CELF2: variants seen among roughly 807,000 people sequenced by gnomAD.
CELF2 encodes CUG triplet repeat RNA-binding protein 2.
Under a neutral mutation model 62.6 loss-of-function variants are expected in CELF2, and 8 were observed. That is an observed-to-expected ratio of 0.13 (90% confidence interval 0.07 to 0.23). The LOEUF (loss-of-function observed/expected upper bound fraction) is 0.23. Ranked by LOEUF, CELF2 falls within the 10% of genes least tolerant of loss-of-function variation. The probability of loss-of-function intolerance (pLI) is 1.00; values close to 1 mark genes in which losing one functional copy is unlikely to be tolerated. For missense variants in CELF2, 333 were observed against 671.0 expected (o/e 0.50, Z 5.56); for synonymous variants, 258 against 250.0 (o/e 1.03, Z -0.30).
At chr10:10,603,896 C>A in the CELF2 span, among the ~76,000 whole-genome samples, 1 of 152,016 alleles carries the variant, frequency 6.6e-6, no homozygotes, top group Non-Finnish European at 1.5e-5. Flanking sequence ...AGATATATAA[C>A]TAAAATGTTG....
Position 11,178,688 on chromosome 10 carries a change from G to C in CELF2, c.271+13006G>C, listed in dbSNP as rs886847053. Among the ~76,000 whole-genome samples the C allele has an allele frequency of 6.6e-6, 1 of 152,162 alleles. No homozygotes were observed. Among genetic ancestry groups the C allele is most frequent in the East Asian group, 1.9e-4 (1 of 5,198 alleles). The stretch of plus-strand genomic sequence containing the variant: ...CTTCGTCAAATGGCAGAGTTTGATT[G>C]TTTAACCTAGACTAATCAGTCTTTG... On this transcript the variant is annotated intron_variant, in intron 2 of 12. Transcript: ENST00000633077. This position sits in a 1 kb window ranked among gnomAD's most constrained non-coding sequence, Gnocchi z 4.3.
At chr10:10,614,586 G>A in the CELF2 span, among the ~76,000 whole-genome samples, 4 of 152,126 alleles carry the variant, frequency 2.6e-5, no homozygotes, top group African/African-American at 9.7e-5. Flanking sequence ...GCTGCCACCA[G>A]GAACTCGGCA....
At chr10:10,742,846 C>A in the CELF2 span, among the ~76,000 whole-genome samples, 3 of 152,154 alleles carry the variant, frequency 2.0e-5, no homozygotes, top group African/African-American at 7.2e-5. Context: ...GATTTGTGAT[C>A]TCTATTAACA....
the CELF2 span, among the ~76,000 whole-genome samples, chr10:10,508,354 C>T: frequency 6.6e-6 from 1 of 152,184 alleles, no homozygotes; most frequent in Non-Finnish European, 1.5e-5. Flanking sequence ...AGTGACAGAC[C>T]TAATAAGCAG....
At chr10:10,538,850 C>A in the CELF2 span, among the ~76,000 whole-genome samples, 3 of 152,300 alleles carry the variant, frequency 2.0e-5, no homozygotes, top group Non-Finnish European at 4.4e-5. Flanking sequence ...CTCTTGCCCT[C>A]CTTACTAGTT....
rs539012325 is a variant in CELF2, at chr10:10,995,123, G to T, written c.89+75124G>T. ...AAATTAAGCTGTGTCTTTCTAACTT[G>T]GTTATAAGTTCCTTAAGGGCAGGAG... On this transcript the variant is annotated intron_variant, in intron 2 of 13. Transcript: ENST00000636488. This position sits in a 1 kb window ranked among gnomAD's most constrained non-coding sequence, Gnocchi z 4.7. Among the ~76,000 whole-genome samples, 47 of 152,226 alleles carry T rather than the reference G, an allele frequency of 3.1e-4. No homozygotes were observed. The highest frequency in any genetic ancestry group is 5.4e-4 in the Non-Finnish European group (37 of 68,024).
At position 11,046,729 on chromosome 10, in the gene CELF2, T is replaced by A. The variant is rs1044888608; in HGVS notation, c.74+28566T>A. Among the ~76,000 whole-genome samples, 2 of 151,814 alleles carry A rather than the reference T, an allele frequency of 1.3e-5. No homozygotes were observed. Among genetic ancestry groups the A allele is most frequent in the African/African-American group, 2.4e-5 (1 of 41,260 alleles). ...GAGGATTCTCATACCTCCCAAAGAGTTTTTGTAAATCCCATGTCTTTAATC... is the reference window on the plus strand; with the variant it reads ...GAGGATTCTCATACCTCCCAAAGAGATTTTGTAAATCCCATGTCTTTAATC... On this transcript the variant is annotated intron_variant, in intron 1 of 12. Coordinates refer to ENST00000633077, the MANE Select transcript of CELF2 (RefSeq NM_001326342.2). This position sits in a 1 kb window ranked among gnomAD's most constrained non-coding sequence, Gnocchi z 4.6.
chr10:10,558,533 A>T, the CELF2 span, among the ~76,000 whole-genome samples: 1 of 151,922 alleles, frequency 6.6e-6, no homozygotes, highest in Non-Finnish European at 1.5e-5. Context: ...TTGGTATCAG[A>T]ATGATGCTGG....
the CELF2 span, among the ~76,000 whole-genome samples, chr10:10,697,493 A>T: frequency 5.9e-5 from 9 of 152,168 alleles, no homozygotes; most frequent in Admixed American, 1.3e-4. Flanking sequence ...GGGCTGCTCT[A>T]ACAAAATACG....
chr10:10,653,747 G>T, the CELF2 span, among the ~76,000 whole-genome samples: 409 of 140,404 alleles, frequency 2.9e-3, 2 homozygotes, highest in African/African-American at 9.1e-3. Context: ...TAGCACTAAA[G>T]GCCCACAAGA....
chr10:11,116,387 C>A (rs888745190), intron 1 of CELF2, among the ~76,000 whole-genome samples: 1 of 152,182 alleles, frequency 6.6e-6, no homozygotes, highest in Non-Finnish European at 1.5e-5. Context: ...GGTCAAGAAG[C>A]CTGTGCATGT....
chr10:10,483,617 G>T, the CELF2 span, among the ~76,000 whole-genome samples: 2 of 152,044 alleles, frequency 1.3e-5, no homozygotes, highest in African/African-American at 4.8e-5. Context: ...CTTTAGTTTT[G>T]CTTAACCTTA....
chr10:11,197,747 G>T (rs761262922), intron 2 of CELF2, among the ~76,000 whole-genome samples: 6 of 152,198 alleles, frequency 3.9e-5, no homozygotes, highest in Non-Finnish European at 5.9e-5. Flanking sequence ...CTCATTTTGG[G>T]TGCATGTATG....
chr10:11,282,939 C>T (rs894250243), intron 8 of CELF2, among the ~76,000 whole-genome samples: 1 of 152,208 alleles, frequency 6.6e-6, no homozygotes, highest in Non-Finnish European at 1.5e-5. Flanking sequence ...CACTTAACTT[C>T]TTTTCTCTTT....
chr10:10,539,867 C>T, the CELF2 span, among the ~76,000 whole-genome samples: 18 of 152,172 alleles, frequency 1.2e-4, no homozygotes, highest in Admixed American at 3.3e-4. Flanking sequence ...GAAAGTAAGA[C>T]GATAAGCCAG....
rs1324354601 is a variant in CELF2 at position 11,280,795 on chromosome 10, C to A, written c.841+5675C>A. 1.3e-5 allele frequency among the ~76,000 whole-genome samples: 2 copies of A among 152,124 alleles called. No homozygotes were observed. Among genetic ancestry groups the A allele is most frequent in the Non-Finnish European group, 2.9e-5 (2 of 68,028 alleles). On this transcript the variant is annotated intron_variant, in intron 8 of 12. Transcript: ENST00000633077. This position sits in a 1 kb window ranked among gnomAD's most constrained non-coding sequence, Gnocchi z 7.6. ...CCCTCACTGCCCTCCAGCCTCAGTC[C>A]TGGTTGGAGTGAGATGCCCAAGAGG...
rs548135683 is a variant in CELF2 at position 11,119,872 on chromosome 10, C to A, written c.75-45614C>A. 4.0e-4 allele frequency among the ~76,000 whole-genome samples: 58 copies of A among 146,594 alleles called. No individual in the cohort carries two copies. The South Asian group carries it at 9.0e-3, about 23-fold the overall frequency. On this transcript the variant is annotated intron_variant, in intron 1 of 12. Coordinates refer to ENST00000633077, the MANE Select transcript of CELF2 (RefSeq NM_001326342.2). ...GGCTGCTTGATTCCGCCTCCCCCCC[C>A]CCGGCCCCCGCTTTTTTGTTTATTG...
chr10:11,061,878 T>A (rs2066824737), intron 1 of CELF2, among the ~76,000 whole-genome samples: 1 of 152,226 alleles, frequency 6.6e-6, no homozygotes, highest in African/African-American at 2.4e-5. Flanking sequence ...AGTGGCATGA[T>A]CTCAGCTCAC....
chr10:11,146,321 G>A (rs958125745), intron 1 of CELF2, among the ~76,000 whole-genome samples: 2 of 152,102 alleles, frequency 1.3e-5, no homozygotes, highest in Admixed American at 1.3e-4. Context: ...GTAATTAATC[G>A]AGCTTTCTAC....
Sources: gnomAD v4.1 joint callset for allele counts (sites outside exome capture counted in the v4.1 genomes callset) on GRCh38, gnomAD v4.1.1 for gene constraint, Gnocchi (gnomAD v3.1) non-coding constraint, MANE v1.5 for transcripts, NCBI Gene and HGNC (gene_info 2026-07-23, HGNC 2026-07-21) for gene names.